Variants in TPX2 observed in about 807,000 individuals in gnomAD.
The protein encoded by TPX2 is targeting protein for Xklp2.
TPX2 carries 21 observed loss-of-function variants against 93.6 expected under a neutral mutation model. The observed-to-expected ratio is 0.22, with a 90% CI of 0.16 to 0.32. The LOEUF (loss-of-function observed/expected upper bound fraction) is 0.32, where lower values mean the gene tolerates loss of function less well. Ranked by LOEUF, TPX2 falls within the 10% of genes least tolerant of loss-of-function variation. TPX2 has a pLI of 1.00. For synonymous variants in TPX2, 281 were observed against 298.3 expected (o/e 0.94, Z 0.60); for missense variants, 776 against 871.1 (o/e 0.89, Z 1.37).
At chr20:31,768,315 A>C (rs1402721144) in intron 5 of TPX2, among the ~76,000 whole-genome samples, 1 of 150,798 alleles carries the variant, frequency 6.6e-6, no homozygotes, top group Non-Finnish European at 1.5e-5. Flanking sequence ...GGCTCACTGC[A>C]ACCTCCGCCT....
chr20:31,785,534 G>T (rs897244776), intron 12 of TPX2, among the ~76,000 whole-genome samples: 6 of 146,994 alleles, frequency 4.1e-5, no homozygotes. Flanking sequence ...TTTAGCTCTT[G>T]TTGCCCAGGC....
intron 8 of TPX2, among the ~76,000 whole-genome samples, chr20:31,776,866 A>G (rs183677997): frequency 1.3e-5 from 2 of 152,232 alleles, no homozygotes; most frequent in East Asian, 3.9e-4. Context: ...GGTCTTAGGG[A>G]AAAAAAGGAA....
chr20:31,779,885 A>T (rs776929627), intron 10 of TPX2, among the ~76,000 whole-genome samples: 1 of 152,204 alleles, frequency 6.6e-6, no homozygotes, highest in Non-Finnish European at 1.5e-5. Flanking sequence ...TTCTAATGTA[A>T]TAGTTTCTAT....
At chr20:31,766,815 T>A in intron 5 of TPX2, 133 bp downstream of exon 5, 1 of 889,720 alleles carries the variant, frequency 1.1e-6, no homozygotes, top group Non-Finnish European at 1.5e-6. Flanking sequence ...TTTTTTTTTT[T>A]TGAGACGGAG....
At chr20:31,745,243 A>T (rs1410560189) in intron 2 of TPX2, among the ~76,000 whole-genome samples, 1 of 152,216 alleles carries the variant, frequency 6.6e-6, no homozygotes, top group Non-Finnish European at 1.5e-5. Flanking sequence ...ATGGTGCAAA[A>T]ATCAAAAGAA....
chr20:31,741,903 C>G (rs1033526623), intron 1 of TPX2, among the ~76,000 whole-genome samples: 2 of 152,102 alleles, frequency 1.3e-5, no homozygotes, highest in African/African-American at 2.4e-5. Context: ...GTGTGAGCCA[C>G]CTTGCCTGGC....
At chr20:31,780,732 A>T (rs1405780311) in intron 10 of TPX2, among the ~76,000 whole-genome samples, 1 of 152,182 alleles carries the variant, frequency 6.6e-6, no homozygotes, top group East Asian at 1.9e-4. Flanking sequence ...ACAAGGTTTC[A>T]CTGGCCAGGT....
At chr20:31,777,739 A>G in intron 9 of TPX2, 101 bp downstream of exon 9, 2 of 1,258,274 alleles carry the variant, frequency 1.6e-6, no homozygotes, top group South Asian at 1.7e-5. Flanking sequence ...AATTGAGAAA[A>G]AAAACCTTGT....
chr20:31,772,369 T>C (rs2061969695), intron 7 of TPX2, among the ~76,000 whole-genome samples: 1 of 152,150 alleles, frequency 6.6e-6, no homozygotes, highest in South Asian at 2.1e-4. Flanking sequence ...TTTCACTATG[T>C]TGCCCAGGCT....
In TPX2 at chr20:31,743,726, G is replaced by GTTT. The variant is rs557157321; in HGVS notation, c.-71+1094_-71+1096dup. 1.7e-3 allele frequency among the ~76,000 whole-genome samples: 226 copies of GTTT among 134,596 alleles called. 5 individuals are homozygous for GTTT. The highest frequency in any genetic ancestry group is 5.6e-3 in the African/African-American group (203 of 36,282). 88.3% of individuals were successfully genotyped at this position (134,596 alleles called of 152,430 possible). A position where few individuals can be genotyped will look rare whatever the true frequency, so the allele number is the denominator to read the frequency against. On this transcript the variant is annotated intron_variant, in intron 2 of 17. Coordinates refer to ENST00000300403, the MANE Select transcript of TPX2 (RefSeq NM_012112.5). ...TCTGTACATATGCAGTACAGATGCA[G>GTTT]TTTTTTTTTTTTTTTTTGAGGCAGA...
At chr20:31,744,558 C>G (rs747814424) in intron 2 of TPX2, among the ~76,000 whole-genome samples, 1 of 151,866 alleles carries the variant, frequency 6.6e-6, no homozygotes, top group Non-Finnish European at 1.5e-5. Flanking sequence ...CAGGGTCTTG[C>G]TCTGTCACCC....
At chr20:31,782,889 TACACACACACACACACACACACACACAC>T (rs71926112) in intron 11 of TPX2, among the ~76,000 whole-genome samples, 1 of 142,664 alleles carries the variant, frequency 7.0e-6, no homozygotes, top group Non-Finnish European at 1.5e-5. Flanking sequence ...CATACACACA[TACACACACACACACACACACACACACAC>T]ACACACACAC....
intron 2 of TPX2, among the ~76,000 whole-genome samples, chr20:31,747,099 G>A (rs528006596): frequency 2.2e-4 from 34 of 152,090 alleles, no homozygotes; most frequent in Admixed American, 1.3e-3. Flanking sequence ...ATTCAATTGT[G>A]CGTTCTTGGA....
At chr20:31,760,546 T>C (rs1163351259) in intron 4 of TPX2, among the ~76,000 whole-genome samples, 2 of 152,096 alleles carry the variant, frequency 1.3e-5, no homozygotes, top group African/African-American at 4.8e-5. Flanking sequence ...AAAATTTTAG[T>C]AGAGGAGTCT....
rs770357630 is a variant in TPX2, at chr20:31,777,632, A to G, written c.876A>G (p.Ser292=). ...NFTSELRKHP[S]SPARVTKGCT... ...CATCTGAACTACGAAAGCATCCTTC[A>G]TCTCCTGTAAGTTGATGGACTAAAT... Residue 292 remains serine (S), a synonymous_variant, in exon 9 of 18, where the codon TCA becomes TCG. Transcript: ENST00000300403. 1.9e-6 allele frequency: 3 copies of G among 1,613,596 alleles called. No homozygotes were observed. The highest frequency in any genetic ancestry group is 2.5e-6 in the Non-Finnish European group (3 of 1,179,702).
intron 11 of TPX2, 98 bp downstream of exon 11, chr20:31,782,488 A>T: frequency 6.8e-7 from 1 of 1,481,422 alleles, no homozygotes; most frequent in South Asian, 1.4e-5. Context: ...TCTTTCCGTA[A>T]AAATTTATGG....
chr20:31,755,686 G>A (rs1417804547), intron 2 of TPX2, among the ~76,000 whole-genome samples: 1 of 151,864 alleles, frequency 6.6e-6, no homozygotes, highest in African/African-American at 2.4e-5. Flanking sequence ...GCTTGAACCC[G>A]GAAGGCAGAG....
At chr20:31,766,463 G>GTGTA (rs1360705028) in intron 4 of TPX2, 93 bp from the exon 5 acceptor site, 7 of 1,070,630 alleles carry the variant, frequency 6.5e-6, no homozygotes, top group Non-Finnish European at 9.6e-6. Context: ...GGGTGTGTGT[G>GTGTA]TGTGTGTGTG....
intron 2 of TPX2, among the ~76,000 whole-genome samples, chr20:31,742,899 A>G (rs1258977573): frequency 2.6e-5 from 4 of 152,140 alleles, no homozygotes; most frequent in African/African-American, 9.7e-5. Flanking sequence ...AATTGGTTCT[A>G]AGACCTTCCC....
Sources: allele counts gnomAD v4.1 joint callset (sites outside exome capture counted in the v4.1 genomes callset), GRCh38; gene constraint gnomAD v4.1.1; transcripts MANE v1.5; gene names NCBI Gene and HGNC (gene_info 2026-07-23, HGNC 2026-07-21).